Variants in ADAMTSL1 observed in about 807,000 individuals in gnomAD.
ADAMTSL1 encodes the protein ADAMTS-like protein 1.
A neutral mutation model predicts 201.8 loss-of-function variants in ADAMTSL1; 126 were observed. The ratio of observed to expected loss-of-function variants is 0.62; its 90% CI spans 0.54 to 0.72. The LOEUF (loss-of-function observed/expected upper bound fraction) is 0.72, where lower values mean the gene tolerates loss of function less well. Ranked by LOEUF, ADAMTSL1 falls within the 30% of genes least tolerant of loss-of-function variation. ADAMTSL1 has a pLI of 0.00. For synonymous variants in ADAMTSL1, 1,121 were observed against 903.4 expected (o/e 1.24, Z -4.32); for missense variants, 2,679 against 2,277.8 (o/e 1.18, Z -3.59).
intron 1 of ADAMTSL1, among the ~76,000 whole-genome samples, chr9:18,501,281 T>C (rs1274952566): frequency 6.6e-6 from 1 of 151,344 alleles, no homozygotes; most frequent in Non-Finnish European, 1.5e-5. Flanking sequence ...GAGGCCAAGG[T>C]GGGTGGATAG....
At chr9:18,151,491 T>A (rs77709876) in intron 1 of ADAMTSL1, among the ~76,000 whole-genome samples, 1 of 152,072 alleles carries the variant, frequency 6.6e-6, no homozygotes, top group East Asian at 1.9e-4. Context: ...TTCAATATAC[T>A]GTATTTGATT....
intron 2 of ADAMTSL1, among the ~76,000 whole-genome samples, chr9:18,249,464 T>C (rs1221032707): frequency 1.3e-5 from 2 of 152,100 alleles, no homozygotes; most frequent in Non-Finnish European, 2.9e-5. Context: ...GACATCAATA[T>C]AGAGAGGGAC....
chr9:18,385,276 G>C (rs1837746227), intron 2 of ADAMTSL1, among the ~76,000 whole-genome samples: 1 of 151,814 alleles, frequency 6.6e-6, no homozygotes, highest in Non-Finnish European at 1.5e-5. Flanking sequence ...TGGGTGTCTG[G>C]CTTTATGATC....
At chr9:18,209,690 C>T (rs1829791989) in intron 2 of ADAMTSL1, among the ~76,000 whole-genome samples, 1 of 152,136 alleles carries the variant, frequency 6.6e-6, no homozygotes, top group African/African-American at 2.4e-5. Context: ...GAAAGATACC[C>T]TTATTCATGT....
At chr9:18,772,884 G>C (rs117239672) in intron 17 of ADAMTSL1, among the ~76,000 whole-genome samples, 1 of 152,170 alleles carries the variant, frequency 6.6e-6, no homozygotes, top group Non-Finnish European at 1.5e-5. Flanking sequence ...CTTATCCAAC[G>C]AATGTTACTA....
chr9:17,916,870 G>C (rs1826116614), intron 1 of ADAMTSL1, among the ~76,000 whole-genome samples: 1 of 152,092 alleles, frequency 6.6e-6, no homozygotes, highest in Non-Finnish European at 1.5e-5. Context: ...TATTTTGAGA[G>C]AATTGTCGTT....
chr9:18,264,137 G>C (rs1176698652), intron 2 of ADAMTSL1, among the ~76,000 whole-genome samples: 2 of 151,922 alleles, frequency 1.3e-5, no homozygotes, highest in Non-Finnish European at 2.9e-5. Context: ...TAGAATTTTT[G>C]GTCATTGTCT....
chr9:18,062,246 G>C (rs1345742764), intron 1 of ADAMTSL1, among the ~76,000 whole-genome samples: 2 of 152,188 alleles, frequency 1.3e-5, no homozygotes, highest in African/African-American at 2.4e-5. Flanking sequence ...TGATTGACTT[G>C]TATAGGAGTG....
At chr9:18,042,547 C>T (rs1364116515) in intron 1 of ADAMTSL1, among the ~76,000 whole-genome samples, 1 of 151,990 alleles carries the variant, frequency 6.6e-6, no homozygotes, top group Non-Finnish European at 1.5e-5. Flanking sequence ...TAGATGTGCT[C>T]GATAACAAAG....
intron 4 of ADAMTSL1, among the ~76,000 whole-genome samples, chr9:18,585,111 A>T (rs1179462091): frequency 2.0e-5 from 3 of 152,130 alleles, no homozygotes; most frequent in African/African-American, 7.2e-5. Context: ...TTTATTTCGT[A>T]ATATTTTATT....
intron 1 of ADAMTSL1, among the ~76,000 whole-genome samples, chr9:17,948,796 A>C (rs1040105336): frequency 2.6e-5 from 4 of 152,230 alleles, no homozygotes; most frequent in African/African-American, 9.6e-5. Flanking sequence ...TTAAAATGGC[A>C]ACAATAGGAC....
At chr9:18,572,591 C>G (rs574084750) in intron 3 of ADAMTSL1, among the ~76,000 whole-genome samples, 2 of 151,942 alleles carry the variant, frequency 1.3e-5, no homozygotes, top group Admixed American at 1.3e-4. Context: ...GTATTTTGAA[C>G]AATTTCATGT....
intron 4 of ADAMTSL1, among the ~76,000 whole-genome samples, chr9:18,582,155 G>C (rs533088022): frequency 6.6e-6 from 1 of 152,264 alleles, no homozygotes; most frequent in South Asian, 2.1e-4. Context: ...AATTTCTTTA[G>C]CAAATGGTTA....
intron 1 of ADAMTSL1, among the ~76,000 whole-genome samples, chr9:18,018,610 G>C (rs1258614450): frequency 6.6e-6 from 1 of 151,998 alleles, no homozygotes; most frequent in Non-Finnish European, 1.5e-5. Context: ...ATTAAGAAAG[G>C]ATTGAATCCT....
chr9:18,822,272 C>T (rs1167863419), intron 21 of ADAMTSL1, among the ~76,000 whole-genome samples: 8 of 152,106 alleles, frequency 5.3e-5, no homozygotes, highest in Admixed American at 2.6e-4. Flanking sequence ...GATCATCTCC[C>T]GCAACCTGAC....
intron 2 of ADAMTSL1, among the ~76,000 whole-genome samples, chr9:18,255,225 G>T (rs1831635388): frequency 6.6e-6 from 1 of 152,078 alleles, no homozygotes. Context: ...TTGCACATTC[G>T]TAGGCTGTAA....
At chr9:17,937,978 C>G (rs1193109365) in intron 1 of ADAMTSL1, among the ~76,000 whole-genome samples, 7 of 152,060 alleles carry the variant, frequency 4.6e-5, no homozygotes, top group Non-Finnish European at 1.0e-4. Flanking sequence ...TAACTCTTCT[C>G]CAGTGATATC....
At chr9:18,474,854 A>C (rs1821373730) in intron 1 of ADAMTSL1, among the ~76,000 whole-genome samples, 1 of 152,176 alleles carries the variant, frequency 6.6e-6, no homozygotes, top group Non-Finnish European at 1.5e-5. Flanking sequence ...AGGATTTATG[A>C]ATTGAGGATT....
Position 18,889,419 on chromosome 9 carries a change from G to A in ADAMTSL1, c.4463-149G>A, listed in dbSNP as rs548972874. On this transcript the variant is annotated intron_variant, in intron 24 of 28. Coordinates refer to ENST00000380548, the MANE Select transcript of ADAMTSL1 (RefSeq NM_001040272.6). ...CCAAATAGTTCGGGAATGGTTCCCT[G>A]CGAGGAGCAGGGCCTCATTTATAAT... is the stretch of plus-strand genomic sequence containing the variant. 1.2e-5 allele frequency: 10 copies of A among 839,460 alleles called. No homozygotes were observed. The African/African-American group carries it at 1.8e-4, about 15-fold the overall frequency. The allele number at this position is 839,460 out of a possible 1,614,324, so 52.0% of individuals were successfully genotyped here. A position where few individuals can be genotyped will look rare whatever the true frequency, so the allele number is the denominator to read the frequency against.
Sources: allele counts gnomAD v4.1 joint callset (sites outside exome capture counted in the v4.1 genomes callset), GRCh38; gene constraint gnomAD v4.1.1; transcripts MANE v1.5; gene names NCBI Gene and HGNC (gene_info 2026-07-23, HGNC 2026-07-21).